COBL: variants seen among roughly 807,000 people sequenced by gnomAD.
COBL encodes the protein cordon-bleu WH2 repeat protein, also known as protein cordon-bleu.
A neutral mutation model predicts 98.8 loss-of-function variants in COBL; 51 were observed. The observed-to-expected ratio is 0.52, with a 90% CI of 0.41 to 0.65. COBL has a LOEUF of 0.65. Ranked by LOEUF, COBL falls within the 30% of genes least tolerant of loss-of-function variation. The probability of loss-of-function intolerance (pLI) is 0.00; values close to 1 mark genes in which losing one functional copy is unlikely to be tolerated. For synonymous variants in COBL, 634 were observed against 651.7 expected (o/e 0.97, Z 0.41); for missense variants, 1,617 against 1,617.5 (o/e 1.00, Z 0.01).
chr7:51,216,257 T>C (rs1157346963), intron 2 of COBL, among the ~76,000 whole-genome samples: 1 of 152,210 alleles, frequency 6.6e-6, no homozygotes, highest in Non-Finnish European at 1.5e-5. Flanking sequence ...CTCAGCTCAT[T>C]GTAACCTCTG....
In COBL at chr7:51,028,463, G is replaced by A. The variant is rs746457485; in HGVS notation, c.2633C>T (p.Ala878Val). The change falls in exon 10 of 13, where the codon GCC becomes GTC. Residue 878 changes from alanine (A) to valine (V), a missense_variant. This residue lies in a region of COBL where 1,304 missense variants were observed against 1,282.0 expected (regional missense o/e 1.02). Transcript: ENST00000265136. ...CACCACATCAGCATGGACTTTTGGG[G>A]CTCCTATGCGCTTGGCAATGGCAGA... ...VASAIAKRIG[A>V]PKVHADVVRP... The A allele has an allele frequency of 6.2e-7, 1 of 1,614,266 alleles. No homozygotes were observed. Among genetic ancestry groups the A allele is most frequent in the South Asian group, 1.1e-5 (1 of 91,090 alleles).
chr7:51,156,698 TCA>T (rs68039377), intron 5 of COBL: 32,675 of 168,986 alleles, frequency 0.19, 4,015 homozygotes, highest in African/African-American at 0.36. Flanking sequence ...AAACCACCCT[TCA>T]CACACACACA....
At chr7:51,178,233 A>C (rs1340999030) in intron 5 of COBL, among the ~76,000 whole-genome samples, 1 of 152,156 alleles carries the variant, frequency 6.6e-6, no homozygotes, top group Non-Finnish European at 1.5e-5. Flanking sequence ...AAGGAACAAC[A>C]ATTTTGCATG....
intron 11 of COBL, 135 bp downstream of exon 11, chr7:51,026,411 T>G: frequency 8.3e-7 from 1 of 1,211,348 alleles, no homozygotes; most frequent in Admixed American, 2.5e-5. Flanking sequence ...CAGGCTGGGA[T>G]GGCCACTCTA....
chr7:51,188,985 T>C (rs1196877781), intron 4 of COBL, among the ~76,000 whole-genome samples: 2 of 152,340 alleles, frequency 1.3e-5, no homozygotes, highest in East Asian at 3.9e-4. Flanking sequence ...TTATTTTTCT[T>C]TTTATCTTAA....
chr7:51,154,649 G>A (rs984554244), intron 5 of COBL, among the ~76,000 whole-genome samples: 4 of 152,144 alleles, frequency 2.6e-5, no homozygotes, highest in Admixed American at 6.5e-5. Flanking sequence ...TAGGGTCTGC[G>A]TCACTGGCAC....
At chr7:51,257,446 C>T (rs1290516349) in intron 1 of COBL, among the ~76,000 whole-genome samples, 2 of 152,152 alleles carry the variant, frequency 1.3e-5, no homozygotes, top group African/African-American at 2.4e-5. Context: ...ACAGTGGACA[C>T]ATACACTGAA....
At chr7:51,088,353 G>C (rs1455017360) in intron 6 of COBL, among the ~76,000 whole-genome samples, 1 of 145,246 alleles carries the variant, frequency 6.9e-6, no homozygotes, top group Non-Finnish European at 1.5e-5. Context: ...CCCCCCTCTT[G>C]GAAATTTTCT....
At chr7:51,100,163 AT>A (rs1384358101) in intron 6 of COBL, among the ~76,000 whole-genome samples, 1 of 152,166 alleles carries the variant, frequency 6.6e-6, no homozygotes, top group African/African-American at 2.4e-5. Flanking sequence ...ACTAATGGTG[AT>A]TGTTCAAATG....
chr7:51,283,893 CCAATAA>C (rs1800033940), intron 1 of COBL, among the ~76,000 whole-genome samples: 2 of 151,990 alleles, frequency 1.3e-5, no homozygotes, highest in Admixed American at 1.3e-4. Context: ...TGAAAAAACA[CCAATAA>C]CATCAGACAG....
chr7:51,230,300 G>A (rs1174932346), intron 1 of COBL, among the ~76,000 whole-genome samples: 6 of 152,190 alleles, frequency 3.9e-5, no homozygotes, highest in Non-Finnish European at 7.3e-5. Flanking sequence ...GGGCACCACT[G>A]CCTCTCCTGC....
chr7:51,090,239 A>G (rs1794680562), intron 6 of COBL, among the ~76,000 whole-genome samples: 1 of 152,222 alleles, frequency 6.6e-6, no homozygotes, highest in Non-Finnish European at 1.5e-5. Context: ...TTCCCCACAA[A>G]GACATCAACT....
At chr7:51,075,675 T>C (rs1227039083) in intron 7 of COBL, among the ~76,000 whole-genome samples, 3 of 152,258 alleles carry the variant, frequency 2.0e-5, no homozygotes, top group African/African-American at 7.2e-5. Flanking sequence ...TCCACTGAGT[T>C]GTCACTAAGT....
chr7:51,310,880 T>C (rs1802961511), intron 1 of COBL, among the ~76,000 whole-genome samples: 1 of 152,024 alleles, frequency 6.6e-6, no homozygotes, highest in African/African-American at 2.4e-5. Context: ...ATGGTCTCGA[T>C]CTCTTGACCT....
chr7:51,057,782 C>T (rs79379920), intron 7 of COBL, among the ~76,000 whole-genome samples: 94 of 152,252 alleles, frequency 6.2e-4, no homozygotes, highest in Non-Finnish European at 8.2e-4. Flanking sequence ...ACATGAGATG[C>T]TGGGGCTCCA....
intron 6 of COBL, among the ~76,000 whole-genome samples, chr7:51,106,809 G>C (rs1796317612): frequency 1.3e-5 from 2 of 152,026 alleles, no homozygotes; most frequent in Admixed American, 1.3e-4. Flanking sequence ...ATTACAGAAA[G>C]AAAAATACTG....
intron 1 of COBL, among the ~76,000 whole-genome samples, chr7:51,279,605 C>T (rs1350279088): frequency 1.3e-5 from 2 of 152,202 alleles, no homozygotes; most frequent in Non-Finnish European, 2.9e-5. Context: ...ACATCTGTTG[C>T]CACTGATGAA....
chr7:51,036,751 G>A (rs748232174), intron 8 of COBL, among the ~76,000 whole-genome samples: 2 of 152,288 alleles, frequency 1.3e-5, no homozygotes, highest in Admixed American at 6.5e-5. Context: ...AACTGGAGAA[G>A]CTACACTCTC....
chr7:51,131,705 C>T (rs113776614), intron 6 of COBL, among the ~76,000 whole-genome samples: 11,593 of 152,126 alleles, frequency 0.076, 674 homozygotes, highest in Non-Finnish European at 0.098. Flanking sequence ...GTGATTCTCC[C>T]GCCTCAGCCT....
Sources: allele counts gnomAD v4.1 joint callset (sites outside exome capture counted in the v4.1 genomes callset), GRCh38; gene constraint gnomAD v4.1.1; regional missense constraint gnomAD v4.1.1; transcripts MANE v1.5; gene names NCBI Gene and HGNC (gene_info 2026-07-23, HGNC 2026-07-21).